BNC2: variants seen among roughly 807,000 people sequenced by gnomAD.
BNC2 encodes the protein basonuclin zinc finger protein 2.
BNC2 carries 20 observed loss-of-function variants against 76.3 expected under a neutral mutation model. The observed-to-expected ratio is 0.26, with a 90% CI of 0.18 to 0.38. The LOEUF (loss-of-function observed/expected upper bound fraction) is 0.38. Ranked by LOEUF, BNC2 falls within the 10% of genes least tolerant of loss-of-function variation. The probability of loss-of-function intolerance (pLI) is 1.00; values close to 1 mark genes in which losing one functional copy is unlikely to be tolerated. For missense variants in BNC2, 1,382 were observed against 1,399.8 expected (o/e 0.99, Z 0.20); for synonymous variants, 582 against 514.8 (o/e 1.13, Z -1.77).
chr9:16,455,793 CAA>C (rs34195206), intron 5 of BNC2, among the ~76,000 whole-genome samples: 1 of 141,566 alleles, frequency 7.1e-6, no homozygotes, highest in African/African-American at 2.5e-5. Flanking sequence ...ACTCCATCTC[CAA>C]AAAAAAAAAA....
At position 16,732,172 on chromosome 9, in the gene BNC2, A is replaced by AAGAAAC. The variant is rs1484459742; in HGVS notation, c.130-4181_130-4176dup. Among the ~76,000 whole-genome samples, 57 of 151,482 alleles carry AAGAAAC rather than the reference A, an allele frequency of 3.8e-4. No homozygotes were observed. In the South Asian group the frequency reaches 0.011, roughly 28 times the overall value. ...CCATTTCCTGCAAAAAAAAAAGAAA[A>AAGAAAC]AGAAACAAAAAAGAAAAAACCTATG... On this transcript the variant is annotated intron_variant, in intron 2 of 6. Coordinates refer to ENST00000380672, the MANE Select transcript of BNC2 (RefSeq NM_017637.6).
At chr9:16,829,134 G>C (rs1350257138) in intron 1 of BNC2, among the ~76,000 whole-genome samples, 2 of 152,204 alleles carry the variant, frequency 1.3e-5, no homozygotes, top group African/African-American at 4.8e-5. Flanking sequence ...TGGCCTCTGC[G>C]GGACTGCAGC....
intron 1 of BNC2, among the ~76,000 whole-genome samples, chr9:16,812,984 G>A (rs967754328): frequency 2.6e-5 from 4 of 152,038 alleles, no homozygotes; most frequent in Non-Finnish European, 5.9e-5. Context: ...CGAGGTGGGC[G>A]GATTACCTGA....
At position 16,756,990 on chromosome 9, in the gene BNC2, C is replaced by CA. The variant is rs66931262; in HGVS notation, c.4-18506dup. On this transcript the variant is annotated intron_variant, in intron 1 of 6. Transcript: ENST00000380672. ...TGGGCAACACAGCGAGACTCTGTCT[C>CA]AAAAAAAAAAAAAAAAAAATAGACC... Among the ~76,000 whole-genome samples, 319 of 133,542 alleles carry CA rather than the reference C, an allele frequency of 2.4e-3. 4 individuals carry two copies. The highest frequency in any genetic ancestry group is 6.5e-3 in the African/African-American group (218 of 33,460). 87.6% of individuals were successfully genotyped at this position (133,542 alleles called of 152,430 possible). A position where few individuals can be genotyped will look rare whatever the true frequency, so the allele number is the denominator to read the frequency against.
chr9:16,615,588 G>C (rs781186605), intron 3 of BNC2, among the ~76,000 whole-genome samples: 1 of 152,038 alleles, frequency 6.6e-6, no homozygotes, highest in African/African-American at 2.4e-5. Context: ...ACTCTTTTTT[G>C]TCTTATCACA....
At chr9:16,494,635 G>A (rs982495294) in intron 5 of BNC2, among the ~76,000 whole-genome samples, 4 of 152,202 alleles carry the variant, frequency 2.6e-5, no homozygotes, top group Admixed American at 6.5e-5. Context: ...AGAAGCCAGT[G>A]TGACCAAAGT....
intron 3 of BNC2, among the ~76,000 whole-genome samples, chr9:16,598,609 C>A (rs574131832): frequency 5.9e-5 from 9 of 152,260 alleles, no homozygotes; most frequent in Admixed American, 2.0e-4. Flanking sequence ...TCTTCTAAGT[C>A]CACATGCCTT....
At chr9:16,539,191 G>C (rs1052344375) in intron 5 of BNC2, among the ~76,000 whole-genome samples, 3 of 151,972 alleles carry the variant, frequency 2.0e-5, no homozygotes, top group Non-Finnish European at 4.4e-5. Flanking sequence ...AAAACAGGGG[G>C]AAAAAAACAA....
At chr9:16,853,849 T>C (rs536196079) in intron 1 of BNC2, among the ~76,000 whole-genome samples, 10 of 152,248 alleles carry the variant, frequency 6.6e-5, no homozygotes, top group East Asian at 3.9e-4. Flanking sequence ...GCCTGAGCAA[T>C]AGAGGGAGAC....
chr9:16,448,757 C>T (rs996610173), intron 5 of BNC2, among the ~76,000 whole-genome samples: 2 of 152,098 alleles, frequency 1.3e-5, no homozygotes, highest in Non-Finnish European at 2.9e-5. Context: ...CCGTAGAACA[C>T]AAAGATTAAT....
intron 5 of BNC2, among the ~76,000 whole-genome samples, chr9:16,506,513 C>CTTTT (rs568955982): frequency 0.017 from 716 of 43,330 alleles, 137 homozygotes; most frequent in African/African-American, 0.029. Context: ...TCTCTCTCCT[C>CTTTT]TTTTTTTTTT....
At chr9:16,616,118 A>G (rs764843982) in intron 3 of BNC2, among the ~76,000 whole-genome samples, 18 of 152,202 alleles carry the variant, frequency 1.2e-4, no homozygotes, top group Non-Finnish European at 2.4e-4. Context: ...CAGGCATGGT[A>G]GCTCACACCT....
intron 5 of BNC2, among the ~76,000 whole-genome samples, chr9:16,545,202 A>G (rs1438995502): frequency 1.3e-5 from 2 of 152,222 alleles, no homozygotes; most frequent in Non-Finnish European, 2.9e-5. Context: ...TCTACTGGTT[A>G]GAAAGGGATT....
chr9:16,596,632 T>C (rs1336412030), intron 3 of BNC2, among the ~76,000 whole-genome samples: 1 of 152,140 alleles, frequency 6.6e-6, no homozygotes, highest in Non-Finnish European at 1.5e-5. Context: ...CAGTAAAAAC[T>C]ACAATATATT....
intron 1 of BNC2, among the ~76,000 whole-genome samples, chr9:16,746,309 G>A (rs1357187424): frequency 6.6e-6 from 1 of 152,092 alleles, no homozygotes; most frequent in African/African-American, 2.4e-5. Context: ...ACTGCAATCA[G>A]TGTCAGAGCC....
At chr9:16,730,070 G>A (rs1310315476) in intron 2 of BNC2, among the ~76,000 whole-genome samples, 1 of 150,890 alleles carries the variant, frequency 6.6e-6, no homozygotes, top group Non-Finnish European at 1.5e-5. Context: ...CAGTCCTGCA[G>A]TCCTCTTCTT....
chr9:16,444,776 TTC>T (rs1360280413), intron 5 of BNC2, among the ~76,000 whole-genome samples: 1 of 152,190 alleles, frequency 6.6e-6, no homozygotes, highest in South Asian at 2.1e-4. Flanking sequence ...TGCAGTCCTC[TTC>T]TCTCTCATTC....
At position 16,458,443 on chromosome 9, in the gene BNC2, T is replaced by G. The variant is rs113446774; in HGVS notation, c.670-20919A>C. On this transcript the variant is annotated intron_variant, in intron 5 of 6. Coordinates refer to ENST00000380672, the MANE Select transcript of BNC2 (RefSeq NM_017637.6). ...AACAAATATCTTGGTTTTGATTTTG[T>G]ATTCAAATAGGGTAGAAAATCTTCA... 7.6e-3 allele frequency among the ~76,000 whole-genome samples: 1,165 copies of G among 152,348 alleles called. 5 individuals are homozygous for G. The highest frequency in any genetic ancestry group is 0.011 in the Non-Finnish European group (771 of 68,024).
intron 1 of BNC2, among the ~76,000 whole-genome samples, chr9:16,845,879 G>A (rs1406188687): frequency 2.0e-5 from 3 of 152,148 alleles, no homozygotes; most frequent in Non-Finnish European, 2.9e-5. Context: ...CCCGGGCGCG[G>A]TGGCTCACGC....
Sources: gnomAD v4.1 joint callset for allele counts (sites outside exome capture counted in the v4.1 genomes callset) on GRCh38, gnomAD v4.1.1 for gene constraint, MANE v1.5 for transcripts, NCBI Gene and HGNC (gene_info 2026-07-23, HGNC 2026-07-21) for gene names.